Variants in CENPU observed in about 807,000 individuals in gnomAD.
CENPU encodes centromere protein U.
Under a neutral mutation model 56.7 loss-of-function variants are expected in CENPU, and 46 were observed. The ratio of observed to expected loss-of-function variants is 0.81; its 90% confidence interval spans 0.64 to 1.04. The LOEUF is 1.04. Ranked by LOEUF, CENPU falls within the 50% of genes least tolerant of loss-of-function variation. The pLI is 0.00. For synonymous variants in CENPU, 166 were observed against 163.0 expected, an observed-to-expected ratio of 1.02 and a Z score of -0.14; for missense variants, 510 against 490.1, an observed-to-expected ratio of 1.04 and a Z score of -0.38.
intron 2 of CENPU, 43 bp downstream of exon 2, chr4:184,730,877 A>G: frequency 1.3e-6 from 2 of 1,494,200 alleles, no homozygotes; most frequent in Non-Finnish European, 1.8e-6. Flanking sequence ...GTTATTTTGT[A>G]CTGTCAATTT....
At chr4:184,730,741 A>G (rs1579801268) in intron 2 of CENPU, among the ~76,000 whole-genome samples, 179 bp downstream of exon 2, 1 of 152,296 alleles carries the variant, frequency 6.6e-6, no homozygotes, top group Middle Eastern at 3.4e-3. Flanking sequence ...GAAATTCTAA[A>G]ACATTAACAA....
rs1028535034 is a variant in CENPU, at chr4:184,714,674, A to G, written c.619-1661T>C. Among the ~76,000 whole-genome samples the G allele has an allele frequency of 6.9e-4, 105 of 152,342 alleles. 1 individual carries two copies. Among genetic ancestry groups the G allele is most frequent in the African/African-American group, 2.5e-3 (103 of 41,584 alleles). ...AAAATTTTAAAAGGTATAGCTAAGA[A>G]GCCAATAGAGAAAATAAAATGGAAT... On this transcript the variant is annotated intron_variant, in intron 6 of 12. Transcript: ENST00000281453.
At chr4:184,707,770 G>C (rs182235891) in intron 8 of CENPU, among the ~76,000 whole-genome samples, 4 of 152,338 alleles carry the variant, frequency 2.6e-5, no homozygotes, top group Admixed American at 1.3e-4. Flanking sequence ...CAGGATGCTG[G>C]AGGAACCCAA....
chr4:184,731,674 G>A (rs928609222), intron 1 of CENPU, among the ~76,000 whole-genome samples: 15 of 151,994 alleles, frequency 9.9e-5, no homozygotes, highest in Non-Finnish European at 1.8e-4. Context: ...ACAAGGGTAC[G>A]GGGGGGATAC....
chr4:184,723,833 C>T (rs1324164588), intron 4 of CENPU, among the ~76,000 whole-genome samples: 1 of 85,920 alleles, frequency 1.2e-5, no homozygotes, highest in Non-Finnish European at 2.0e-5. Flanking sequence ...CAGAGCGAGA[C>T]TCCATCTCAA....
At chr4:184,707,547 C>T (rs1244149862) in intron 8 of CENPU, among the ~76,000 whole-genome samples, 10 of 152,206 alleles carry the variant, frequency 6.6e-5, no homozygotes, top group Non-Finnish European at 5.9e-5. Flanking sequence ...TCCATCTTTT[C>T]TTCCTGCTGC....
chr4:184,726,477 CCAAA>C (rs1427842350), intron 3 of CENPU, among the ~76,000 whole-genome samples: 5 of 152,040 alleles, frequency 3.3e-5, no homozygotes, highest in Admixed American at 1.3e-4. Context: ...TACTTCACAC[CCAAA>C]CAAACACCCA....
At chr4:184,723,111 C>T (rs948547929) in intron 4 of CENPU, among the ~76,000 whole-genome samples, 2 of 152,102 alleles carry the variant, frequency 1.3e-5, no homozygotes, top group African/African-American at 4.8e-5. Context: ...GCCTGACTGC[C>T]CATCTATACA....
rs796798501 is a variant in CENPU, at chr4:184,694,903, G to C, written c.*385C>G. ...TTTATTACTTTGCTTTCCAATTTTTGTTTTTTACTTCTGTAAACCAATTTC... is the reference window on the plus strand; with the variant it reads ...TTTATTACTTTGCTTTCCAATTTTTCTTTTTTACTTCTGTAAACCAATTTC... On this transcript the variant is annotated 3_prime_UTR_variant, in exon 13 of 13. Coordinates refer to ENST00000281453, the MANE Select transcript of CENPU (RefSeq NM_024629.4). 5.4e-5 allele frequency: 46 copies of C among 857,106 alleles called. 1 individual carries two copies. The African/African-American group carries it at 7.2e-4, about 13-fold the overall frequency. The allele number at this position is 857,106 out of a possible 1,614,324, so 53.1% of individuals were successfully genotyped here. A position where few individuals can be genotyped will look rare whatever the true frequency, so the allele number is the denominator to read the frequency against.
At chr4:184,722,709 A>G (rs1478559214) in intron 4 of CENPU, among the ~76,000 whole-genome samples, 1 of 145,632 alleles carries the variant, frequency 6.9e-6, no homozygotes, top group Non-Finnish European at 1.5e-5. Flanking sequence ...ACAAAACAAA[A>G]CAAAACAAAA....
intron 11 of CENPU, among the ~76,000 whole-genome samples, chr4:184,700,197 G>T (rs1760486099): frequency 6.6e-6 from 1 of 152,074 alleles, no homozygotes. Context: ...ACCAGAAACT[G>T]GGGGCAGCCC....
intron 11 of CENPU, among the ~76,000 whole-genome samples, chr4:184,698,727 G>A (rs1760426865): frequency 6.6e-6 from 1 of 152,166 alleles, no homozygotes; most frequent in African/African-American, 2.4e-5. Context: ...GGGACTACAG[G>A]CGTGAGCCAG....
intron 4 of CENPU, among the ~76,000 whole-genome samples, chr4:184,718,071 TG>T (rs1409892123): frequency 1.3e-5 from 2 of 152,224 alleles, no homozygotes; most frequent in African/African-American, 4.8e-5. Context: ...GCATGCTGCA[TG>T]GATCTCCTAT....
chr4:184,732,196 G>A (rs1339009998), intron 1 of CENPU, among the ~76,000 whole-genome samples: 2 of 151,976 alleles, frequency 1.3e-5, no homozygotes, highest in Non-Finnish European at 2.9e-5. Flanking sequence ...GTGTGGATGT[G>A]TGCACACGTG....
chr4:184,712,452 G>C (rs1277611130), intron 7 of CENPU, among the ~76,000 whole-genome samples: 1 of 152,144 alleles, frequency 6.6e-6, no homozygotes, highest in Non-Finnish European at 1.5e-5. Context: ...AGAGGCATGG[G>C]GGAACTTTCT....
chr4:184,715,321 G>A (rs1761052614), intron 6 of CENPU, among the ~76,000 whole-genome samples: 2 of 152,112 alleles, frequency 1.3e-5, no homozygotes, highest in Non-Finnish European at 2.9e-5. Context: ...ATAAGACCCA[G>A]AATTCTTTGT....
At chr4:184,706,335 A>T (rs895190990) in intron 8 of CENPU, among the ~76,000 whole-genome samples, 1 of 152,140 alleles carries the variant, frequency 6.6e-6, no homozygotes, top group Non-Finnish European at 1.5e-5. Context: ...GACACCCCCC[A>T]TCTAAAGAAA....
At chr4:184,720,449 G>A (rs1379147612) in intron 4 of CENPU, among the ~76,000 whole-genome samples, 2 of 152,116 alleles carry the variant, frequency 1.3e-5, no homozygotes, top group African/African-American at 4.8e-5. Context: ...GTAGAGAAAA[G>A]GGGGTAGAAA....
At chr4:184,709,436 G>A (rs187710313) in intron 8 of CENPU, among the ~76,000 whole-genome samples, 7 of 150,468 alleles carry the variant, frequency 4.7e-5, no homozygotes, top group Middle Eastern at 3.4e-3. Context: ...TCAGTGAGCC[G>A]AGATCTCTCC....
Sources: gnomAD v4.1 joint callset for allele counts (sites outside exome capture counted in the v4.1 genomes callset) on GRCh38, gnomAD v4.1.1 for gene constraint, MANE v1.5 for transcripts, NCBI Gene and HGNC (gene_info 2026-07-23, HGNC 2026-07-21) for gene names.